Variants in ABI3BP observed in about 807,000 individuals in gnomAD.
ABI3BP encodes the protein ABI family member 3 binding protein.
In ABI3BP, 216 loss-of-function variants were observed where a neutral mutation model predicts 268.6. The ratio of observed to expected loss-of-function variants is 0.80; its 90% CI spans 0.72 to 0.90. The LOEUF (loss-of-function observed/expected upper bound fraction) is 0.90. Among genes scored for constraint, ABI3BP ranks in the 40% least tolerant of loss-of-function variants. The pLI, the probability that ABI3BP is intolerant of heterozygous loss-of-function variation, is 0.00. For synonymous variants in ABI3BP, 730 were observed against 730.0 expected (o/e 1.00, Z 0.00); for missense variants, 2,090 against 2,182.4 (o/e 0.96, Z 0.84).
At chr3:100,864,554 T>C (rs1288412877) in intron 11 of ABI3BP, 2 of 388,662 alleles carry the variant, frequency 5.1e-6, no homozygotes, top group African/African-American at 2.1e-5. Context: ...GCTGGTATTC[T>C]GTCTGTATAA....
Position 100,801,505 on chromosome 3 carries a change from T to C in ABI3BP, c.3757+3287A>G, listed in dbSNP as rs541972871. Among the ~76,000 whole-genome samples the C allele has an allele frequency of 3.3e-5, 5 of 149,634 alleles. No individual in the cohort carries two copies. In the South Asian group the frequency reaches 6.4e-4, roughly 19 times the overall value. On this transcript the variant is annotated intron_variant, in intron 51 of 67. Transcript: ENST00000471714. ...TTATTAATCACATCAATGGCATATA[T>C]AAGCTTAAAGAGATTTTGAGGCAAA...
intron 50 of ABI3BP, among the ~76,000 whole-genome samples, chr3:100,807,851 T>C (rs2097757006): frequency 6.6e-6 from 1 of 151,968 alleles, no homozygotes; most frequent in East Asian, 1.9e-4. Flanking sequence ...GTGGAAGGGA[T>C]AGGAGTGTAG....
intron 40 of ABI3BP, among the ~76,000 whole-genome samples, chr3:100,819,996 G>A (rs576117745): frequency 9.4e-5 from 14 of 148,980 alleles, no homozygotes; most frequent in African/African-American, 3.2e-4. Flanking sequence ...AAGATACACA[G>A]TAAGAGACAG....
At chr3:100,965,388 T>C (rs1407762283) in intron 1 of ABI3BP, among the ~76,000 whole-genome samples, 1 of 152,056 alleles carries the variant, frequency 6.6e-6, no homozygotes, top group Non-Finnish European at 1.5e-5. Context: ...GAAAATCAAC[T>C]CTATAGTTTT....
At chr3:100,944,875 G>A (rs1016959055) in intron 1 of ABI3BP, among the ~76,000 whole-genome samples, 1 of 152,146 alleles carries the variant, frequency 6.6e-6, no homozygotes, top group Admixed American at 6.6e-5. Context: ...GAGTGGCCAT[G>A]AGATGTCAGG....
rs56070956 is a variant in ABI3BP at position 100,882,521 on chromosome 3, T to G, written c.696+3015A>C. Among the ~76,000 whole-genome samples, 886 of 151,846 alleles carry G rather than the reference T, an allele frequency of 5.8e-3. 12 individuals are homozygous for G. The highest frequency in any genetic ancestry group is 0.019 in the African/African-American group (804 of 41,452). On this transcript the variant is annotated intron_variant, in intron 6 of 67. Coordinates refer to ENST00000471714, the MANE Select transcript of ABI3BP (RefSeq NM_001375547.2). ...CTCAAAGAAGGCTTAAAATATCTTT[T>G]TAATGAATTTGGTTTTTCCTTTGGA... is the stretch of plus-strand genomic sequence containing the variant.
In ABI3BP at chr3:100,810,478, C is replaced by T. The variant is rs779142560; in HGVS notation, c.3542-1G>A. 5.2e-6 allele frequency: 8 copies of T among 1,534,614 alleles called. No individual in the cohort carries two copies. In the East Asian group the frequency reaches 2.0e-4, roughly 38 times the overall value. On this transcript the variant is annotated splice_acceptor_variant, in intron 48 of 67. Coordinates refer to ENST00000471714, the MANE Select transcript of ABI3BP (RefSeq NM_001375547.2). LOFTEE classifies it high-confidence loss of function. ...GATTGAGAAGGCAGAGGCGACGTTT[C>T]TATGGTAATTGAAGGAAAGTACGCG...
intron 1 of ABI3BP, among the ~76,000 whole-genome samples, chr3:100,973,084 C>G (rs1193814749): frequency 6.6e-6 from 1 of 152,080 alleles, no homozygotes; most frequent in Admixed American, 6.6e-5. Flanking sequence ...TAAGCAGGCC[C>G]TAAGTGTGGT....
At chr3:100,958,104 A>G (rs554078059) in intron 1 of ABI3BP, among the ~76,000 whole-genome samples, 8 of 152,342 alleles carry the variant, frequency 5.3e-5, no homozygotes, top group African/African-American at 1.9e-4. Flanking sequence ...ATTAACTAAA[A>G]CAAGTGCAGA....
In ABI3BP at chr3:100,950,430, G is replaced by A. The variant is rs938547327; in HGVS notation, c.80-23949C>T. The stretch of plus-strand genomic sequence containing the variant: ...CAAATTCTACATAGAGGAGGGACCC[G>A]CATGCAGAGGTAATTCAGAGGAGCA... On this transcript the variant is annotated intron_variant, in intron 1 of 67. Transcript: ENST00000471714. Among the ~76,000 whole-genome samples the A allele has an allele frequency of 3.3e-5, 5 of 152,236 alleles. No homozygotes were observed. The East Asian group carries it at 5.8e-4, about 18-fold the overall frequency.
At chr3:100,922,523 C>CGATGGT (rs74793509) in intron 2 of ABI3BP, among the ~76,000 whole-genome samples, 25,117 of 148,542 alleles carry the variant, frequency 0.17, 2,283 homozygotes, top group East Asian at 0.28. Context: ...TGATGTGATG[C>CGATGGT]GATGGTGATG....
intron 24 of ABI3BP, 131 bp from the exon 25 acceptor site, chr3:100,838,595 G>A (rs1357208692): frequency 4.0e-6 from 3 of 747,158 alleles, no homozygotes; most frequent in Non-Finnish European, 4.4e-6. Flanking sequence ...TGTGGGAAGG[G>A]TGAAAAGAGT....
Position 100,824,758 on chromosome 3 carries a change from G to A in ABI3BP, c.2746+100C>T, listed in dbSNP as rs2098335469. On this transcript the variant is annotated intron_variant, in intron 36 of 67. Coordinates refer to ENST00000471714, the MANE Select transcript of ABI3BP (RefSeq NM_001375547.2). ...TGATGCCTTATGCCCTCGTGCTTAG[G>A]GAGAATAAGACCTGTTGCTGCTCAG... 3 of 976,768 alleles carry A rather than the reference G, an allele frequency of 3.1e-6. No homozygotes were observed. The Admixed American group carries it at 7.4e-5, about 24-fold the overall frequency. 60.5% of individuals were successfully genotyped at this position (976,768 alleles called of 1,614,324 possible).
chr3:100,917,943 G>C (rs919093352), intron 2 of ABI3BP, among the ~76,000 whole-genome samples: 7 of 152,152 alleles, frequency 4.6e-5, no homozygotes, highest in African/African-American at 1.7e-4. Context: ...TTGTTTAAGA[G>C]ATGGTGTACA....
At chr3:100,865,359 C>T (rs1476519826) in intron 10 of ABI3BP, among the ~76,000 whole-genome samples, 1 of 152,138 alleles carries the variant, frequency 6.6e-6, no homozygotes, top group Non-Finnish European at 1.5e-5. Context: ...AAAAGTCTTA[C>T]TTAGAGCTAC....
Position 100,811,767 on chromosome 3 carries a change from C to T in ABI3BP, c.3454G>A (p.Ala1152Thr). The T allele has an allele frequency of 6.5e-7, 1 of 1,535,496 alleles. No homozygotes were observed. The highest frequency in any genetic ancestry group is 8.7e-7 in the Non-Finnish European group (1 of 1,146,500). Reference protein sequence around the residue: ...PAKTDYVYPTAKAPLWPEEPK... With the variant: ...PAKTDYVYPTTKAPLWPEEPK... ...TCCTCTGGCCAGAGTGGTGCTTTGG[C>T]AGTGGGATATACATAGTCTGTTTTG... The change falls in exon 47 of 68, where the codon GCC becomes ACC. Residue 1152 changes from alanine to threonine, a missense_variant. Transcript: ENST00000471714.
Position 100,749,509 on chromosome 3 carries a change from T to TTAA in ABI3BP, c.*983_*985dup, listed in dbSNP as rs1413484779. 1 of 395,772 alleles carries TTAA rather than the reference T, an allele frequency of 2.5e-6. No individual in the cohort carries two copies. The highest frequency in any genetic ancestry group is 4.4e-6 in the Non-Finnish European group (1 of 224,764). The allele number at this position is 395,772 out of a possible 1,614,324, so 24.5% of individuals were successfully genotyped here. On this transcript the variant is annotated 3_prime_UTR_variant, in exon 68 of 68. Coordinates refer to ENST00000471714, the MANE Select transcript of ABI3BP (RefSeq NM_001375547.2). ...TCCCCGCCTAAAGGACAATACCTTTTTAATAGAAATAAATGAGTTAGTTAG... is the reference window on the plus strand; with the variant it reads ...TCCCCGCCTAAAGGACAATACCTTTTTAATAATAGAAATAAATGAGTTAGTTAG...
At chr3:100,760,909 G>A (rs545059112) in intron 63 of ABI3BP, among the ~76,000 whole-genome samples, 16 of 152,088 alleles carry the variant, frequency 1.1e-4, no homozygotes, top group Admixed American at 8.5e-4. Flanking sequence ...TCATTTTAGG[G>A]GTACATGTGC....
rs1312705167 is a variant in ABI3BP at position 100,902,500 on chromosome 3, C to T, written c.328+118G>A. The T allele has an allele frequency of 5.9e-6, 5 of 842,112 alleles. No individual in the cohort carries two copies. The African/African-American group carries it at 6.8e-5, about 12-fold the overall frequency. The allele number at this position is 842,112 out of a possible 1,614,324, so 52.2% of individuals were successfully genotyped here. A position where few individuals can be genotyped will look rare whatever the true frequency, so the allele number is the denominator to read the frequency against. On this transcript the variant is annotated intron_variant, in intron 3 of 67. Transcript: ENST00000471714. ...GGGTAAACTGTGGACCCAGGGCTGA[C>T]ACCTCCTCTACATTCTTAAAGCTTC... is the stretch of plus-strand genomic sequence containing the variant.
Sources: allele counts gnomAD v4.1 joint callset (sites outside exome capture counted in the v4.1 genomes callset), GRCh38; gene constraint gnomAD v4.1.1; transcripts MANE v1.5; gene names NCBI Gene and HGNC (gene_info 2026-07-23, HGNC 2026-07-21).